Variants in PCDH9 observed in about 807,000 individuals in gnomAD.
PCDH9 encodes the protein protocadherin-9.
PCDH9 carries 24 observed loss-of-function variants against 70.6 expected under a neutral mutation model. The ratio of observed to expected loss-of-function variants is 0.34; its 90% CI spans 0.25 to 0.48. PCDH9 has a LOEUF of 0.48. Among genes scored for constraint, PCDH9 ranks in the 20% least tolerant of loss-of-function variants. PCDH9 has a pLI of 0.99. For synonymous variants in PCDH9, 562 were observed against 558.5 expected, an observed-to-expected ratio of 1.01 and a Z score of -0.09; for missense variants, 1,281 against 1,503.6, an observed-to-expected ratio of 0.85 and a Z score of 2.45.
At chr13:66,952,152 T>C (rs1217362685) in intron 2 of PCDH9, among the ~76,000 whole-genome samples, 1 of 152,166 alleles carries the variant, frequency 6.6e-6, no homozygotes, top group Non-Finnish European at 1.5e-5. Flanking sequence ...CCCTTCATGA[T>C]ATAGCAGAAT....
At chr13:66,443,346 G>T (rs1217924970) in intron 4 of PCDH9, among the ~76,000 whole-genome samples, 1 of 152,042 alleles carries the variant, frequency 6.6e-6, no homozygotes, top group African/African-American at 2.4e-5. Flanking sequence ...GTCAAAAAGG[G>T]CATAGCATTT....
intron 2 of PCDH9, among the ~76,000 whole-genome samples, chr13:67,129,058 C>A (rs2087046209): frequency 6.6e-6 from 1 of 152,086 alleles, no homozygotes; most frequent in Non-Finnish European, 1.5e-5. Flanking sequence ...CACCTTGGGA[C>A]AGAAGTCAAT....
chr13:66,672,280 G>T (rs966144774), intron 3 of PCDH9, among the ~76,000 whole-genome samples: 2 of 152,194 alleles, frequency 1.3e-5, no homozygotes, highest in Non-Finnish European at 2.9e-5. Context: ...ATTGAAATAA[G>T]AACTTTTCAC....
chr13:66,307,561 T>C (rs537300525), intron 4 of PCDH9, among the ~76,000 whole-genome samples: 1 of 152,168 alleles, frequency 6.6e-6, no homozygotes, highest in African/African-American at 2.4e-5. Context: ...ATCAATGGAG[T>C]TAATCACCAA....
At chr13:66,637,552 T>C (rs2077654567) in intron 3 of PCDH9, among the ~76,000 whole-genome samples, 1 of 152,210 alleles carries the variant, frequency 6.6e-6, no homozygotes, top group Non-Finnish European at 1.5e-5. Flanking sequence ...TTATTGGAAG[T>C]ACTTATGTTA....
intron 4 of PCDH9, among the ~76,000 whole-genome samples, chr13:66,344,600 G>A (rs772597869): frequency 6.6e-6 from 1 of 152,098 alleles, no homozygotes; most frequent in Non-Finnish European, 1.5e-5. Context: ...GTTAACTAGG[G>A]CAATATGTTT....
intron 4 of PCDH9, among the ~76,000 whole-genome samples, chr13:66,481,966 AAAATC>A (rs1371034486): frequency 1.4e-4 from 21 of 151,856 alleles, no homozygotes; most frequent in Non-Finnish European, 2.5e-4. Context: ...ACACACACAC[AAAATC>A]AATCAATCAA....
rs765954590 is a variant in PCDH9, at chr13:66,305,040, AAG to A, written c.3341-14_3341-13del. ...ACCCAAAGGCCCATCTGCAGAAGAC[AAG>A]AGAGAGAAAATAAGAAAAGGAAGTG... On this transcript the variant is annotated splice_polypyrimidine_tract_variant and intron_variant, in intron 4 of 4. Transcript: ENST00000377865. 8 of 1,568,772 alleles carry A rather than the reference AAG, an allele frequency of 5.1e-6. No individual in the cohort carries two copies. The highest frequency in any genetic ancestry group is 6.9e-6 in the Non-Finnish European group (8 of 1,158,624).
chr13:66,974,213 C>G (rs143206395), intron 2 of PCDH9, among the ~76,000 whole-genome samples: 3 of 152,044 alleles, frequency 2.0e-5, no homozygotes, highest in African/African-American at 7.2e-5. Flanking sequence ...CTAATATATT[C>G]CATACACTAC....
intron 3 of PCDH9, among the ~76,000 whole-genome samples, chr13:66,767,837 A>T (rs766381065): frequency 1.3e-5 from 2 of 152,092 alleles, no homozygotes; most frequent in Non-Finnish European, 2.9e-5. Flanking sequence ...TTCCAGAAAC[A>T]TTTATTGAAA....
At chr13:67,036,086 C>T (rs2085003613) in intron 2 of PCDH9, among the ~76,000 whole-genome samples, 1 of 152,112 alleles carries the variant, frequency 6.6e-6, no homozygotes, top group Non-Finnish European at 1.5e-5. Flanking sequence ...AGCACATCAG[C>T]GTTCTAGTAG....
At chr13:67,096,391 T>C (rs374274350) in intron 2 of PCDH9, among the ~76,000 whole-genome samples, 37 of 152,338 alleles carry the variant, frequency 2.4e-4, no homozygotes, top group African/African-American at 8.2e-4. Flanking sequence ...AAAACTATTA[T>C]TTTTATTTCA....
At chr13:67,157,661 G>A (rs2087848988) in intron 2 of PCDH9, among the ~76,000 whole-genome samples, 1 of 152,106 alleles carries the variant, frequency 6.6e-6, no homozygotes, top group African/African-American at 2.4e-5. Flanking sequence ...AACTTGCCAT[G>A]AGAATTAATG....
rs895563704 is a variant in PCDH9, at chr13:66,776,354, C to T, written c.3138+127150G>A. Among the ~76,000 whole-genome samples, 35 of 150,390 alleles carry T rather than the reference C, an allele frequency of 2.3e-4. No homozygotes were observed. In the East Asian group the frequency reaches 4.3e-3, roughly 19 times the overall value. ...AAGTCAAATTGTCCCTGTTTGCAGA[C>T]GACATGATTGTTTATCTAGAAAACC... On this transcript the variant is annotated intron_variant, in intron 3 of 4. Coordinates refer to ENST00000377865, the MANE Select transcript of PCDH9 (RefSeq NM_203487.3).
chr13:66,508,364 C>T (rs753405499), intron 4 of PCDH9, among the ~76,000 whole-genome samples: 6 of 152,112 alleles, frequency 3.9e-5, no homozygotes, highest in Non-Finnish European at 5.9e-5. Context: ...TGTTAATGTA[C>T]TAAATGCCAC....
rs534426983 is a variant in PCDH9 at position 66,736,551 on chromosome 13, T to A, written c.3139-105140A>T. 3.9e-5 allele frequency among the ~76,000 whole-genome samples: 6 copies of A among 152,320 alleles called. No individual in the cohort carries two copies. The East Asian group carries it at 1.2e-3, about 29-fold the overall frequency. ...CCACCCAGTCTTCTTTTAGATTTTGTTATTGTGACATTTTACTATGGCAGC... is the reference window on the plus strand; with the variant it reads ...CCACCCAGTCTTCTTTTAGATTTTGATATTGTGACATTTTACTATGGCAGC... On this transcript the variant is annotated intron_variant, in intron 3 of 4. Transcript: ENST00000377865.
At chr13:66,775,792 AG>A (rs1801939712) in intron 3 of PCDH9, among the ~76,000 whole-genome samples, 2 of 152,184 alleles carry the variant, frequency 1.3e-5, no homozygotes, top group African/African-American at 4.8e-5. Context: ...GGGAGTCAAA[AG>A]TTATGCATGA....
intron 3 of PCDH9, among the ~76,000 whole-genome samples, chr13:66,645,151 G>A (rs1346442577): frequency 1.3e-5 from 2 of 152,026 alleles, no homozygotes; most frequent in East Asian, 1.9e-4. Flanking sequence ...AGTTTCATCA[G>A]ATTTGCAGTT....
intron 4 of PCDH9, among the ~76,000 whole-genome samples, chr13:66,378,848 C>G (rs1013391248): frequency 1.2e-4 from 19 of 152,130 alleles, no homozygotes; most frequent in African/African-American, 4.6e-4. Flanking sequence ...TTTTAGACAT[C>G]TAGCAAATAA....
Sources: allele counts gnomAD v4.1 joint callset (sites outside exome capture counted in the v4.1 genomes callset), GRCh38; gene constraint gnomAD v4.1.1; transcripts MANE v1.5; gene names NCBI Gene and HGNC (gene_info 2026-07-23, HGNC 2026-07-21).